Variants in B3GALT1 observed in about 807,000 individuals in gnomAD.
B3GALT1 encodes the protein UDP-Gal:betaGlcNAc beta 1,3-galactosyltransferase, polypeptide 1.
B3GALT1 carries 10 observed loss-of-function variants against 23.2 expected under a neutral mutation model. That is an observed-to-expected ratio of 0.43 (90% CI 0.27 to 0.73). B3GALT1 has a LOEUF of 0.73. Among genes scored for constraint, B3GALT1 ranks in the 30% least tolerant of loss-of-function variants. B3GALT1 has a pLI of 0.21. For missense variants in B3GALT1, 299 were observed against 405.4 expected, an observed-to-expected ratio of 0.74 and a Z score of 2.25; for synonymous variants, 156 against 141.5, an observed-to-expected ratio of 1.10 and a Z score of -0.73.
At chr2:167,664,461 A>T (rs1456998374) in intron 3 of B3GALT1, among the ~76,000 whole-genome samples, 2 of 151,944 alleles carry the variant, frequency 1.3e-5, no homozygotes, top group Non-Finnish European at 2.9e-5. Context: ...TTTTGGTTCT[A>T]TATGAACTTT....
chr2:167,741,203 G>A (rs1203739204), intron 3 of B3GALT1, among the ~76,000 whole-genome samples: 4 of 152,048 alleles, frequency 2.6e-5, no homozygotes, highest in Non-Finnish European at 5.9e-5. Flanking sequence ...AAAAAAAGTG[G>A]GCATTTGATG....
At chr2:167,469,176 T>C (rs933202842) in intron 1 of B3GALT1, among the ~76,000 whole-genome samples, 1 of 152,108 alleles carries the variant, frequency 6.6e-6, no homozygotes, top group Admixed American at 6.6e-5. Flanking sequence ...CATGGTGTGG[T>C]GGTTAAAATT....
intron 3 of B3GALT1, among the ~76,000 whole-genome samples, chr2:167,668,461 G>T (rs1437224058): frequency 6.6e-6 from 1 of 152,196 alleles, no homozygotes; most frequent in African/African-American, 2.4e-5. Flanking sequence ...TCCTCCTTGA[G>T]CTGTGGTGGG....
At chr2:167,397,896 G>A (rs1698121659) in intron 1 of B3GALT1, among the ~76,000 whole-genome samples, 1 of 152,062 alleles carries the variant, frequency 6.6e-6, no homozygotes, top group African/African-American at 2.4e-5. Flanking sequence ...TAAGAAAGAA[G>A]GCAAGAAGTG....
At chr2:167,613,099 G>A (rs1363830365) in intron 2 of B3GALT1, among the ~76,000 whole-genome samples, 1 of 151,894 alleles carries the variant, frequency 6.6e-6, no homozygotes, top group Non-Finnish European at 1.5e-5. Flanking sequence ...TCCTGAGAGA[G>A]AGGAAAAAGG....
At chr2:167,295,462 A>G (rs1333611667) in intron 1 of B3GALT1, among the ~76,000 whole-genome samples, 2 of 152,192 alleles carry the variant, frequency 1.3e-5, no homozygotes, top group Admixed American at 6.5e-5. Context: ...CTTTTATGCA[A>G]TACTATGTGC....
At chr2:167,418,070 A>G (rs574237048) in intron 1 of B3GALT1, among the ~76,000 whole-genome samples, 106 of 152,266 alleles carry the variant, frequency 7.0e-4, no homozygotes, top group African/African-American at 2.5e-3. Context: ...TCGCTTAGAG[A>G]TTGCATGTGA....
intron 1 of B3GALT1, among the ~76,000 whole-genome samples, chr2:167,482,506 T>A (rs765412130): frequency 4.6e-5 from 7 of 152,196 alleles, no homozygotes; most frequent in Non-Finnish European, 1.0e-4. Context: ...CAGGCCATTG[T>A]TTCTCAAACT....
intron 1 of B3GALT1, among the ~76,000 whole-genome samples, chr2:167,351,630 G>A (rs1261226235): frequency 6.6e-6 from 1 of 152,120 alleles, no homozygotes; most frequent in East Asian, 1.9e-4. Context: ...GATGTTCAGT[G>A]ATGTTTATAT....
intron 3 of B3GALT1, among the ~76,000 whole-genome samples, chr2:167,653,715 A>C (rs557857987): frequency 6.6e-6 from 1 of 152,138 alleles, no homozygotes; most frequent in Non-Finnish European, 1.5e-5. Flanking sequence ...TCGAGGGTCT[A>C]TGCTTGAGTC....
At chr2:167,523,691 C>T (rs1300385925) in intron 2 of B3GALT1, among the ~76,000 whole-genome samples, 2 of 152,132 alleles carry the variant, frequency 1.3e-5, no homozygotes, top group Non-Finnish European at 2.9e-5. Flanking sequence ...TCCTGAAGTG[C>T]TGGGATGACA....
intron 3 of B3GALT1, among the ~76,000 whole-genome samples, chr2:167,706,741 G>A (rs948724603): frequency 6.6e-6 from 1 of 152,224 alleles, no homozygotes; most frequent in South Asian, 2.1e-4. Flanking sequence ...CAATGCACAA[G>A]CAGCTGAGGT....
At position 167,869,477 on chromosome 2, in the gene B3GALT1, T is replaced by C. The variant is rs769401396; in HGVS notation, c.438T>C (p.Ile146=). Residue 146 remains isoleucine, a synonymous_variant, in exon 5 of 5, where the codon ATT becomes ATC. Transcript: ENST00000392690. This position sits in a 1 kb window ranked among gnomAD's most constrained non-coding sequence, Gnocchi z 6.4. ...IFHDIIVEDF[I]DSYHNLTLKT... ...ATGATATCATCGTGGAGGACTTTAT[T>C]GACTCCTACCATAACCTTACCCTCA... 7 of 1,613,934 alleles carry C rather than the reference T, an allele frequency of 4.3e-6. No individual in the cohort carries two copies. The highest frequency in any genetic ancestry group is 5.1e-6 in the Non-Finnish European group (6 of 1,180,014).
At chr2:167,682,407 TC>T (rs2105493850) in intron 3 of B3GALT1, among the ~76,000 whole-genome samples, 1 of 152,322 alleles carries the variant, frequency 6.6e-6, no homozygotes, top group Non-Finnish European at 1.5e-5. Flanking sequence ...ATCACAATGG[TC>T]CCATTTGCAT....
At chr2:167,495,062 A>G (rs942360369) in intron 2 of B3GALT1, among the ~76,000 whole-genome samples, 1 of 152,190 alleles carries the variant, frequency 6.6e-6, no homozygotes, top group East Asian at 1.9e-4. Context: ...GTCAAATTCT[A>G]AACTGTTTAA....
rs937201091 is a variant in B3GALT1, at chr2:167,799,555, T to C, written c.-351-19117T>C. ...GTCATCTTCAGAACCCAAGAAAAATTAACACAGTATATTGCAAAGGATTGT... is the reference window on the plus strand; with the variant it reads ...GTCATCTTCAGAACCCAAGAAAAATCAACACAGTATATTGCAAAGGATTGT... On this transcript the variant is annotated intron_variant, in intron 3 of 4. Transcript: ENST00000392690. 2.0e-5 allele frequency among the ~76,000 whole-genome samples: 3 copies of C among 152,258 alleles called. No homozygotes were observed. The East Asian group carries it at 5.8e-4, about 29-fold the overall frequency.
intron 1 of B3GALT1, among the ~76,000 whole-genome samples, chr2:167,325,702 CTTTTT>C (rs61066636): frequency 1.8e-5 from 2 of 110,574 alleles, no homozygotes; most frequent in Admixed American, 9.1e-5. Context: ...ACCCTGTTTT[CTTTTT>C]TTTTTTTTTT....
chr2:167,560,520 A>G (rs1683958213), intron 2 of B3GALT1, among the ~76,000 whole-genome samples: 1 of 152,256 alleles, frequency 6.6e-6, no homozygotes, highest in African/African-American at 2.4e-5. Flanking sequence ...CAAATTGAAT[A>G]AAGAGTCAAG....
At chr2:167,445,383 A>G (rs915535700) in intron 1 of B3GALT1, among the ~76,000 whole-genome samples, 8 of 152,200 alleles carry the variant, frequency 5.3e-5, no homozygotes, top group African/African-American at 1.9e-4. Context: ...TATTAGGTCC[A>G]CTTGGTGCAG....
Sources: gnomAD v4.1 joint callset for allele counts (sites outside exome capture counted in the v4.1 genomes callset) on GRCh38, gnomAD v4.1.1 for gene constraint, Gnocchi (gnomAD v3.1) non-coding constraint, MANE v1.5 for transcripts, NCBI Gene and HGNC (gene_info 2026-07-23, HGNC 2026-07-21) for gene names.